OVCH1: variants seen among roughly 807,000 people sequenced by gnomAD.
OVCH1 encodes ovochymase 1.
A neutral mutation model predicts 138.4 loss-of-function variants in OVCH1; 139 were observed. The ratio of observed to expected loss-of-function variants is 1.00; its 90% CI spans 0.87 to 1.16. The LOEUF is 1.16. Among genes scored for constraint, OVCH1 ranks in the 50% most tolerant of loss-of-function variants. The pLI, the probability that OVCH1 is intolerant of heterozygous loss-of-function variation, is 0.00. For missense variants in OVCH1, 1,367 were observed against 1,357.9 expected, an observed-to-expected ratio of 1.01 and a Z score of -0.11; for synonymous variants, 453 against 467.8, an observed-to-expected ratio of 0.97 and a Z score of 0.41.
At chr12:29,475,105 T>C in exon 14 of OVCH1, 1 of 1,579,746 alleles carries the variant, frequency 6.3e-7, no homozygotes, top group Non-Finnish European at 8.6e-7. Flanking sequence ...TTGTAAACGA[T>C]TTTTACCATC....
intron 3 of OVCH1, among the ~76,000 whole-genome samples, chr12:29,416,173 A>T (rs1235302707): frequency 6.6e-6 from 1 of 152,168 alleles, no homozygotes; most frequent in African/African-American, 2.4e-5. Flanking sequence ...ACTGGAAAGG[A>T]TCATGAAATT....
intron 2 of OVCH1, 78 bp downstream of exon 2, chr12:29,496,478 C>T (rs528996338): frequency 1.7e-5 from 23 of 1,336,170 alleles, no homozygotes; most frequent in South Asian, 1.2e-4. Flanking sequence ...TACATATCAA[C>T]GTGCATTCTT....
chr12:29,493,704 C>T (rs985451754), intron 4 of OVCH1, among the ~76,000 whole-genome samples: 1 of 152,152 alleles, frequency 6.6e-6, no homozygotes, highest in Non-Finnish European at 1.5e-5. Flanking sequence ...ATTTCCCTTC[C>T]ATCTAATAGT....
chr12:29,461,687 G>A lies in OVCH1; in HGVS notation c.2280+167C>T, dbSNP rs757374577. On this transcript the variant is annotated intron_variant, in intron 19 of 27. Coordinates refer to ENST00000318184, the Ensembl canonical transcript of OVCH1. ...CACTCTCTGACATCTCAGCAAATTC[G>A]GATTAATTAACTTATTACTTCTGTT... 19 of 882,746 alleles carry A rather than the reference G, an allele frequency of 2.2e-5. 1 individual carries two copies. The South Asian group carries it at 2.6e-4, about 12-fold the overall frequency. 54.7% of individuals were successfully genotyped at this position (882,746 alleles called of 1,614,324 possible). A position where few individuals can be genotyped will look rare whatever the true frequency, so the allele number is the denominator to read the frequency against.
chr12:29,423,248 A>G (rs1393130757), downstream of OVCH1: 4 of 456,008 alleles, frequency 8.8e-6, no homozygotes, highest in Non-Finnish European at 1.8e-5. Flanking sequence ...ACAGTCAGGT[A>G]AGCAGCACTG....
chr12:29,482,018 T>C (rs1942951214), intron 8 of OVCH1, among the ~76,000 whole-genome samples: 1 of 152,210 alleles, frequency 6.6e-6, no homozygotes, highest in Non-Finnish European at 1.5e-5. Context: ...TCCCAGCTTG[T>C]GGTCTTGCCT....
At chr12:29,479,155 T>G (rs1592098552) in intron 8 of OVCH1, among the ~76,000 whole-genome samples, 187 bp from the exon 10 acceptor site, 1 of 152,306 alleles carries the variant, frequency 6.6e-6, no homozygotes, top group Admixed American at 6.5e-5. Flanking sequence ...ATCTGACAAA[T>G]AGATGAGTAT....
intron 1 of OVCH1, among the ~76,000 whole-genome samples, 172 bp from the exon 2 acceptor site, chr12:29,496,846 T>C (rs1943431919): frequency 6.6e-6 from 1 of 152,258 alleles, no homozygotes; most frequent in Non-Finnish European, 1.5e-5. Context: ...CACAGTCACC[T>C]GGGTTGACCG....
intron 21 of OVCH1, 49 bp downstream of exon 21, chr12:29,454,792 G>T (rs556067457): frequency 6.7e-7 from 1 of 1,498,548 alleles, no homozygotes; most frequent in Non-Finnish European, 9.2e-7. Flanking sequence ...AATGCTTCTT[G>T]CCAAATTCTG....
chr12:29,430,861 T>C (rs752687975), intron 27 of OVCH1: 1 of 516,676 alleles, frequency 1.9e-6, no homozygotes, highest in African/African-American at 1.9e-5. Context: ...TGTTACAAAG[T>C]TCAGTTGGAG....
chr12:29,488,272 G>A (rs936949128), intron 6 of OVCH1, among the ~76,000 whole-genome samples: 2 of 151,908 alleles, frequency 1.3e-5, no homozygotes, highest in African/African-American at 2.4e-5. Context: ...CAAACCTATG[G>A]AGCATCAGTG....
chr12:29,410,658 TAG>T (rs1940943105), downstream of OVCH1, among the ~76,000 whole-genome samples: 1 of 151,084 alleles, frequency 6.6e-6, no homozygotes. Context: ...TTCTGGCTTG[TAG>T]AGTTTCTGCC....
chr12:29,415,000 C>T (rs1259913901), intron 3 of OVCH1, among the ~76,000 whole-genome samples: 1 of 151,914 alleles, frequency 6.6e-6, no homozygotes, highest in Admixed American at 6.6e-5. Context: ...AAGAAGTATG[C>T]CCAAATATTC....
downstream of OVCH1, among the ~76,000 whole-genome samples, chr12:29,411,028 CT>C (rs2135867118): frequency 6.7e-6 from 1 of 149,674 alleles, no homozygotes; most frequent in African/African-American, 2.4e-5. Flanking sequence ...TTTCTCTAAA[CT>C]TCCCGTCTCA....
chr12:29,492,338 A>G (rs1419439850), intron 4 of OVCH1, among the ~76,000 whole-genome samples: 2 of 152,196 alleles, frequency 1.3e-5, no homozygotes, highest in East Asian at 3.9e-4. Flanking sequence ...TAAAAAAAAA[A>G]AATAAACAAA....
chr12:29,471,976 C>T, exon 16 of OVCH1: 1 of 1,608,714 alleles, frequency 6.2e-7, no homozygotes, highest in Non-Finnish European at 8.5e-7. Context: ...AGGGATGCCA[C>T]AGACATCTAC....
intron 5 of OVCH1, 96 bp downstream of exon 5, chr12:29,491,001 G>T: frequency 1.1e-6 from 1 of 948,124 alleles, no homozygotes; most frequent in South Asian, 1.6e-5. Context: ...TATAAAAAAT[G>T]ATAAATGTAC....
At chr12:29,481,283 A>G (rs1942924180) in intron 8 of OVCH1, among the ~76,000 whole-genome samples, 1 of 152,040 alleles carries the variant, frequency 6.6e-6, no homozygotes, top group South Asian at 2.1e-4. Flanking sequence ...CCTTATATGA[A>G]CCTATCTTAG....
chr12:29,492,328 T>A (rs1351090692), intron 4 of OVCH1, among the ~76,000 whole-genome samples: 2 of 147,790 alleles, frequency 1.4e-5, no homozygotes, highest in Admixed American at 6.8e-5. Flanking sequence ...GTTAGTTTCA[T>A]AAAAAAAAAA....
Sources: allele counts gnomAD v4.1 joint callset (sites outside exome capture counted in the v4.1 genomes callset), GRCh38; gene constraint gnomAD v4.1.1; transcripts MANE v1.5; gene names NCBI Gene and HGNC (gene_info 2026-07-23, HGNC 2026-07-21).